Variants in KCNH7 observed in about 807,000 individuals in gnomAD.
KCNH7 encodes the protein potassium voltage-gated channel subfamily H member 7.
In KCNH7, 49 loss-of-function variants were observed where a neutral mutation model predicts 120.8. That is an observed-to-expected ratio of 0.41 (90% CI 0.32 to 0.51). The LOEUF (loss-of-function observed/expected upper bound fraction) is 0.51. KCNH7 is among the 20% of genes least tolerant of loss of function. The pLI is 0.38. For synonymous variants in KCNH7, 547 were observed against 516.1 expected (o/e 1.06, Z -0.81); for missense variants, 1,097 against 1,446.6 (o/e 0.76, Z 3.92).
intron 2 of KCNH7, among the ~76,000 whole-genome samples, chr2:162,624,082 C>A (rs1019479795): frequency 1.3e-5 from 2 of 152,078 alleles, no homozygotes; most frequent in South Asian, 4.1e-4. Flanking sequence ...ACACTGCCTG[C>A]CCACCTCCTC....
chr2:162,533,015 G>T (rs1269612265), intron 3 of KCNH7, among the ~76,000 whole-genome samples: 1 of 151,864 alleles, frequency 6.6e-6, no homozygotes, highest in South Asian at 2.1e-4. Flanking sequence ...AAGCTATTAG[G>T]TTGGTGCAAA....
chr2:162,373,444 C>T lies in KCNH7; in HGVS notation c.3324+26G>A, dbSNP rs1036873226. ...CTGGAAACACACTGTGAGAGACACTCTTGGTTGGATGGTATCCACACTTAC... is the reference window on the plus strand; with the variant it reads ...CTGGAAACACACTGTGAGAGACACTTTTGGTTGGATGGTATCCACACTTAC... On this transcript the variant is annotated intron_variant, in intron 15 of 15. Transcript: ENST00000332142. 2.7e-6 allele frequency: 4 copies of T among 1,458,974 alleles called. No individual in the cohort carries two copies. The African/African-American group carries it at 5.8e-5, about 21-fold the overall frequency. 90.4% of individuals were successfully genotyped at this position (1,458,974 alleles called of 1,614,324 possible).
chr2:162,630,053 T>C (rs994203011), intron 2 of KCNH7, among the ~76,000 whole-genome samples: 2 of 152,052 alleles, frequency 1.3e-5, no homozygotes, highest in African/African-American at 4.8e-5. Flanking sequence ...ATGGAATAAC[T>C]TACCTAAATG....
intron 2 of KCNH7, among the ~76,000 whole-genome samples, chr2:162,640,686 G>T (rs1241598657): frequency 6.6e-6 from 1 of 151,986 alleles, no homozygotes; most frequent in South Asian, 2.1e-4. Flanking sequence ...TACGTGGAAG[G>T]AAAAATTGAC....
At chr2:162,753,615 T>C (rs1164283536) in intron 2 of KCNH7, among the ~76,000 whole-genome samples, 1 of 152,136 alleles carries the variant, frequency 6.6e-6, no homozygotes, top group Non-Finnish European at 1.5e-5. Flanking sequence ...TTTATGTTAG[T>C]TGGAGTCAGT....
intron 2 of KCNH7, among the ~76,000 whole-genome samples, chr2:162,833,229 C>T (rs768033235): frequency 1.1e-4 from 16 of 151,918 alleles, no homozygotes; most frequent in Non-Finnish European, 1.6e-4. Context: ...AGCTCTCTTC[C>T]GTGATGTACT....
intron 2 of KCNH7, among the ~76,000 whole-genome samples, chr2:162,655,039 A>C (rs1263571852): frequency 6.6e-6 from 1 of 152,178 alleles, no homozygotes; most frequent in African/African-American, 2.4e-5. Flanking sequence ...GACAGGAGGA[A>C]TAAATTGAAG....
chr2:162,761,176 C>A (rs1399315441), intron 2 of KCNH7, among the ~76,000 whole-genome samples: 29 of 152,062 alleles, frequency 1.9e-4, no homozygotes, highest in Admixed American at 1.9e-3. Flanking sequence ...ATATCCCTGT[C>A]TATATCAAGG....
At chr2:162,390,720 C>T (rs531632881) in intron 12 of KCNH7, among the ~76,000 whole-genome samples, 12 of 152,010 alleles carry the variant, frequency 7.9e-5, no homozygotes, top group African/African-American at 9.6e-5. Flanking sequence ...CTTGAAGATA[C>T]CTTTAAAAAT....
At chr2:162,471,061 A>G (rs1689506960) in intron 6 of KCNH7, among the ~76,000 whole-genome samples, 1 of 152,056 alleles carries the variant, frequency 6.6e-6, no homozygotes, top group East Asian at 1.9e-4. Context: ...GCTTGTTAAG[A>G]GTCATCACCA....
intron 2 of KCNH7, among the ~76,000 whole-genome samples, chr2:162,680,136 G>A (rs188319044): frequency 0.011 from 1,631 of 147,948 alleles, 25 homozygotes; most frequent in African/African-American, 0.038. Flanking sequence ...AGAAAAAGAA[G>A]CAATTTTTAC....
rs981864247 is a variant in KCNH7, at chr2:162,394,325, A to G, written c.2710+64T>C. The G allele has an allele frequency of 3.2e-6, 3 of 950,212 alleles. No homozygotes were observed. In the African/African-American group the frequency reaches 4.9e-5, roughly 15 times the overall value. 58.9% of individuals were successfully genotyped at this position (950,212 alleles called of 1,614,324 possible). ...TCTTGAAGTCAGAAGTAAAATGAAC[A>G]TTTAAGTAAGAAGGCTAATTACCAC... is the stretch of plus-strand genomic sequence containing the variant. On this transcript the variant is annotated intron_variant, in intron 12 of 15. Transcript: ENST00000332142.
Position 162,371,815 on chromosome 2 carries a change from A to G in KCNH7, c.*14T>C. 6.2e-7 allele frequency: 1 copy of G among 1,602,726 alleles called. No homozygotes were observed. The highest frequency in any genetic ancestry group is 8.5e-7 in the Non-Finnish European group (1 of 1,171,070). ...AGCACTTACATTGTATGTGGAGTAA[A>G]TAGTACAAAATGATTATTTCCCTGG... is the stretch of plus-strand genomic sequence containing the variant. On this transcript the variant is annotated 3_prime_UTR_variant, in exon 16 of 16. Coordinates refer to ENST00000332142, the MANE Select transcript of KCNH7 (RefSeq NM_033272.4).
intron 8 of KCNH7, among the ~76,000 whole-genome samples, chr2:162,427,725 T>G (rs2105501824): frequency 6.6e-6 from 1 of 152,060 alleles, no homozygotes; most frequent in South Asian, 2.1e-4. Context: ...TCAATTTTTC[T>G]TTTATGATTC....
At chr2:162,584,531 T>A (rs1016946007) in intron 2 of KCNH7, among the ~76,000 whole-genome samples, 2 of 152,030 alleles carry the variant, frequency 1.3e-5, no homozygotes, top group African/African-American at 4.8e-5. Flanking sequence ...AAGAATCTTG[T>A]TACAAAACAG....
chr2:162,749,977 T>C (rs1350796314), intron 2 of KCNH7, among the ~76,000 whole-genome samples: 3 of 152,162 alleles, frequency 2.0e-5, no homozygotes, highest in Non-Finnish European at 4.4e-5. Flanking sequence ...ACCTGGAAAG[T>C]GGGGCTTCTC....
At chr2:162,501,503 A>G (rs1417210671) in intron 6 of KCNH7, among the ~76,000 whole-genome samples, 1 of 152,052 alleles carries the variant, frequency 6.6e-6, no homozygotes, top group Non-Finnish European at 1.5e-5. Flanking sequence ...GTAAGTAGTC[A>G]TCTTAGTCCA....
chr2:162,794,414 G>A (rs904652568), intron 2 of KCNH7, among the ~76,000 whole-genome samples: 3 of 151,998 alleles, frequency 2.0e-5, no homozygotes, highest in Admixed American at 1.3e-4. Flanking sequence ...TGGCATCAAC[G>A]CTTTTCTCCT....
intron 2 of KCNH7, among the ~76,000 whole-genome samples, chr2:162,602,809 A>G (rs1344591677): frequency 6.6e-6 from 1 of 152,044 alleles, no homozygotes; most frequent in South Asian, 2.1e-4. Context: ...TAAAAGCTGA[A>G]AATATCAAAA....
Sources: gnomAD v4.1 joint callset for allele counts (sites outside exome capture counted in the v4.1 genomes callset) on GRCh38, gnomAD v4.1.1 for gene constraint, MANE v1.5 for transcripts, NCBI Gene and HGNC (gene_info 2026-07-23, HGNC 2026-07-21) for gene names.